Variants in DAB1 observed in about 807,000 individuals in gnomAD.
DAB1 encodes the protein DAB adaptor protein 1, also known as disabled homolog 1.
DAB1 carries 15 observed loss-of-function variants against 64.6 expected under a neutral mutation model. The observed-to-expected ratio is 0.23, with a 90% CI of 0.16 to 0.36. The LOEUF (loss-of-function observed/expected upper bound fraction) is 0.36. Among genes scored for constraint, DAB1 ranks in the 10% least tolerant of loss-of-function variants. The pLI, the probability that DAB1 is intolerant of heterozygous loss-of-function variation, is 1.00. For missense variants in DAB1, 596 were observed against 706.7 expected (o/e 0.84, Z 1.78); for synonymous variants, 235 against 251.9 (o/e 0.93, Z 0.64).
intron 6 of DAB1, 85 bp from the exon 7 acceptor site, chr1:57,071,146 G>A (rs565752438): frequency 1.5e-6 from 2 of 1,312,390 alleles, no homozygotes; most frequent in East Asian, 4.6e-5. Flanking sequence ...TTACAGGACA[G>A]TAAAGAAACC....
intron 5 of DAB1, among the ~76,000 whole-genome samples, chr1:58,127,950 T>G (rs1053415276): frequency 2.1e-4 from 32 of 152,308 alleles, no homozygotes; most frequent in African/African-American, 6.0e-4. Context: ...GGGCTCTTTT[T>G]TGGTTCCATA....
chr1:57,313,504 G>A (rs1295952816), intron 1 of DAB1, among the ~76,000 whole-genome samples: 2 of 152,104 alleles, frequency 1.3e-5, no homozygotes, highest in Admixed American at 1.3e-4. Flanking sequence ...TACAGTAGGG[G>A]CCTGAGGCAC....
intron 7 of DAB1, among the ~76,000 whole-genome samples, chr1:57,569,733 A>C (rs1645171170): frequency 6.6e-6 from 1 of 152,104 alleles, no homozygotes; most frequent in East Asian, 1.9e-4. Flanking sequence ...GTATCCTAGA[A>C]CCTAAAGTAT....
chr1:57,675,336 C>G (rs1170163910), intron 6 of DAB1, among the ~76,000 whole-genome samples: 6 of 152,190 alleles, frequency 3.9e-5, no homozygotes, highest in Non-Finnish European at 8.8e-5. Context: ...CAACGTAACA[C>G]AAGGCTAACA....
chr1:57,449,553 A>AT (rs1360485248), intron 7 of DAB1, among the ~76,000 whole-genome samples: 2 of 151,742 alleles, frequency 1.3e-5, no homozygotes, highest in Non-Finnish European at 2.9e-5. Flanking sequence ...GCTAATTTTT[A>AT]TTTTTTGTAG....
At position 57,516,398 on chromosome 1, in the gene DAB1, CTT is replaced by C. The variant is rs1421834680; in HGVS notation, n.625+133192_625+133193del. Among the ~76,000 whole-genome samples, 3 of 152,284 alleles carry C rather than the reference CTT, an allele frequency of 2.0e-5. No homozygotes were observed. The East Asian group carries it at 5.8e-4, about 29-fold the overall frequency. On this transcript the variant is annotated intron_variant and non_coding_transcript_variant, in intron 7 of 20. Transcript: ENST00000485760. The stretch of plus-strand genomic sequence containing the variant: ...TATGATGAAGACATAAGACCGGAGA[CTT>C]TCTTGAATCTCGAAATTCACTAGTA...
intron 1 of DAB1, among the ~76,000 whole-genome samples, chr1:57,348,073 G>A (rs1678262498): frequency 6.6e-6 from 1 of 152,172 alleles, no homozygotes. Context: ...ATCAACAAGG[G>A]TATTTGAGCA....
chr1:58,540,563 A>T (rs1646590599), intron 1 of DAB1, among the ~76,000 whole-genome samples: 1 of 151,112 alleles, frequency 6.6e-6, no homozygotes, highest in South Asian at 2.1e-4. Context: ...AAAAGACCTA[A>T]ACTTTTAGAC....
chr1:58,334,400 G>T (rs1478278206), intron 4 of DAB1, among the ~76,000 whole-genome samples: 2 of 151,814 alleles, frequency 1.3e-5, no homozygotes, highest in East Asian at 1.9e-4. Flanking sequence ...GAGATACTGG[G>T]GTTGTTTATT....
At chr1:58,539,033 T>G in intron 1 of DAB1, 1 of 872,852 alleles carries the variant, frequency 1.1e-6, no homozygotes, top group Non-Finnish European at 2.0e-6. Context: ...CAAATTTCCT[T>G]ACTTTTGGTA....
At chr1:58,273,774 T>C (rs1661362951) in intron 4 of DAB1, among the ~76,000 whole-genome samples, 1 of 73,106 alleles carries the variant, frequency 1.4e-5, no homozygotes, top group Non-Finnish European at 2.7e-5. Context: ...CTTCCATTGC[T>C]GATACCCTTT....
intron 3 of DAB1, among the ~76,000 whole-genome samples, chr1:58,390,108 G>T (rs1309758764): frequency 6.6e-6 from 1 of 152,106 alleles, no homozygotes; most frequent in African/African-American, 2.4e-5. Context: ...GGAGGCTGGG[G>T]GAAGGGAGAG....
chr1:57,309,167 T>A (rs1187918702), intron 1 of DAB1, among the ~76,000 whole-genome samples: 1 of 152,218 alleles, frequency 6.6e-6, no homozygotes, highest in Non-Finnish European at 1.5e-5. Flanking sequence ...ACCCCTGGCC[T>A]AGAGTCTTTA....
rs1482667501 is a variant in DAB1 at position 58,427,143 on chromosome 1, G to A, written n.257+78917C>T. Among the ~76,000 whole-genome samples, 3 of 152,066 alleles carry A rather than the reference G, an allele frequency of 2.0e-5. No homozygotes were observed. In the East Asian group the frequency reaches 5.8e-4, roughly 29 times the overall value. On this transcript the variant is annotated intron_variant and non_coding_transcript_variant, in intron 3 of 20. Transcript: ENST00000485760. ...AGTGAGGAAGGTACTGTGGATTGGAGGCAGGCAGGGGTGTGGTTAGGGTTA... is the reference window on the plus strand; with the variant it reads ...AGTGAGGAAGGTACTGTGGATTGGAAGCAGGCAGGGGTGTGGTTAGGGTTA...
chr1:58,519,016 G>A (rs1285158853), intron 2 of DAB1, among the ~76,000 whole-genome samples: 1 of 152,126 alleles, frequency 6.6e-6, no homozygotes, highest in Admixed American at 6.5e-5. Context: ...TGGTTCCAGA[G>A]TTCATGCATT....
chr1:58,010,232 G>C (rs906263330), intron 5 of DAB1, among the ~76,000 whole-genome samples: 2 of 152,124 alleles, frequency 1.3e-5, no homozygotes, highest in African/African-American at 4.8e-5. Context: ...TCCCACCTTA[G>C]AGATGCAGAC....
chr1:58,529,837 T>C (rs147058461), intron 1 of DAB1, among the ~76,000 whole-genome samples: 2 of 152,202 alleles, frequency 1.3e-5, no homozygotes, highest in East Asian at 1.9e-4. Context: ...TTAAAGTATA[T>C]GAGAGGATGT....
chr1:57,658,858 G>A (rs746719202), intron 6 of DAB1, among the ~76,000 whole-genome samples: 1 of 152,110 alleles, frequency 6.6e-6, no homozygotes, highest in Non-Finnish European at 1.5e-5. Context: ...GTGCCCCTGC[G>A]CCCAGCCTCT....
chr1:57,902,941 A>C (rs1317436440), intron 5 of DAB1, among the ~76,000 whole-genome samples: 1 of 152,228 alleles, frequency 6.6e-6, no homozygotes, highest in African/African-American at 2.4e-5. Context: ...AAAGAGGTTT[A>C]ATGGACTCAC....
Sources: allele counts gnomAD v4.1 joint callset (sites outside exome capture counted in the v4.1 genomes callset), GRCh38; gene constraint gnomAD v4.1.1; transcripts MANE v1.5; gene names NCBI Gene and HGNC (gene_info 2026-07-23, HGNC 2026-07-21).